Variants in CCSER1 observed in about 807,000 individuals in gnomAD.
CCSER1 encodes the protein coiled-coil serine rich protein 1.
A neutral mutation model predicts 82.0 loss-of-function variants in CCSER1; 41 were observed. The ratio of observed to expected loss-of-function variants is 0.50; its 90% CI spans 0.39 to 0.65. CCSER1 has a LOEUF of 0.65. CCSER1 is among the 30% of genes least tolerant of loss of function. The pLI is 0.00. For synonymous variants in CCSER1, 414 were observed against 383.9 expected (o/e 1.08, Z -0.92); for missense variants, 1,119 against 1,064.2 (o/e 1.05, Z -0.72).
rs73836252 is a variant in CCSER1, at chr4:91,587,003, A to C, written c.2218-11569A>C. ...AAGAAAGAACCACAGAGAATGAAAA[A>C]TATTAATAAACTTAGCATGGGAGAT... On this transcript the variant is annotated intron_variant, in intron 10 of 10. Coordinates refer to ENST00000509176, the MANE Select transcript of CCSER1 (RefSeq NM_001145065.2). Among the ~76,000 whole-genome samples, 261 of 151,748 alleles carry C rather than the reference A, an allele frequency of 1.7e-3. 2 individuals are homozygous for C. The highest frequency in any genetic ancestry group is 6.0e-3 in the African/African-American group (250 of 41,484).
chr4:91,403,532 T>C (rs2149362405), intron 10 of CCSER1, among the ~76,000 whole-genome samples: 1 of 152,312 alleles, frequency 6.6e-6, no homozygotes, highest in Admixed American at 6.5e-5. Context: ...GCTGTGGGTT[T>C]GTCATAAATA....
At chr4:90,845,453 T>A (rs182326709) in intron 8 of CCSER1, among the ~76,000 whole-genome samples, 1 of 151,592 alleles carries the variant, frequency 6.6e-6, no homozygotes, top group African/African-American at 2.4e-5. Context: ...AAATTACTAA[T>A]AAATTTGCCC....
At chr4:91,131,057 T>A (rs1581612390) in intron 10 of CCSER1, among the ~76,000 whole-genome samples, 2 of 151,956 alleles carry the variant, frequency 1.3e-5, no homozygotes, top group East Asian at 3.9e-4. Flanking sequence ...AAAAATATAA[T>A]TCTGTGGATC....
At chr4:90,283,046 C>G (rs1729156998) in intron 1 of CCSER1, among the ~76,000 whole-genome samples, 1 of 151,926 alleles carries the variant, frequency 6.6e-6, no homozygotes, top group African/African-American at 2.4e-5. Flanking sequence ...TTTGCTTTAC[C>G]TGAATATTTA....
At chr4:91,529,445 A>G (rs1162242246) in intron 10 of CCSER1, among the ~76,000 whole-genome samples, 1 of 152,056 alleles carries the variant, frequency 6.6e-6, no homozygotes, top group Non-Finnish European at 1.5e-5. Flanking sequence ...TTAAATGGAA[A>G]TTAATTTAAT....
At chr4:90,430,410 A>G (rs553337489) in intron 4 of CCSER1, among the ~76,000 whole-genome samples, 2 of 152,054 alleles carry the variant, frequency 1.3e-5, no homozygotes, top group African/African-American at 4.8e-5. Context: ...GTCAGTATGC[A>G]TTGAAATTTC....
chr4:90,782,932 G>A (rs766193658), intron 7 of CCSER1, among the ~76,000 whole-genome samples: 4 of 148,846 alleles, frequency 2.7e-5, no homozygotes, highest in Non-Finnish European at 4.4e-5. Flanking sequence ...CCCCCTCCTC[G>A]GCCTCCCGAA....
chr4:91,577,488 A>G (rs887120745), intron 10 of CCSER1, among the ~76,000 whole-genome samples: 22 of 152,064 alleles, frequency 1.4e-4, no homozygotes, highest in African/African-American at 5.1e-4. Flanking sequence ...GCAATTCACA[A>G]TTCTTTCTAG....
intron 6 of CCSER1, among the ~76,000 whole-genome samples, chr4:90,641,578 A>G (rs894954357): frequency 5.3e-5 from 8 of 152,170 alleles, no homozygotes; most frequent in African/African-American, 1.4e-4. Context: ...ACTCCCCACA[A>G]CCCTTTTTCT....
chr4:90,627,142 C>G (rs984721127), intron 5 of CCSER1, among the ~76,000 whole-genome samples: 1 of 152,012 alleles, frequency 6.6e-6, no homozygotes, highest in South Asian at 2.1e-4. Flanking sequence ...TTATCTTATC[C>G]CTTCACAGGA....
Position 90,756,820 on chromosome 4 carries a change from CT to C in CCSER1, c.2010+32831del, listed in dbSNP as rs765575369. On this transcript the variant is annotated intron_variant, in intron 7 of 10. Transcript: ENST00000509176. ...GCATATTTTAGATTTTTATTAAGTACTTATTGAACAAAGTATTTCTTAAGTT... is the reference window on the plus strand; with the variant it reads ...GCATATTTTAGATTTTTATTAAGTACTATTGAACAAAGTATTTCTTAAGTT... 4.6e-5 allele frequency among the ~76,000 whole-genome samples: 7 copies of C among 152,022 alleles called. No individual in the cohort carries two copies. The East Asian group carries it at 5.8e-4, about 13-fold the overall frequency.
chr4:90,899,748 G>A (rs1243736632), intron 8 of CCSER1, among the ~76,000 whole-genome samples: 11 of 151,952 alleles, frequency 7.2e-5, no homozygotes, highest in Admixed American at 5.3e-4. Flanking sequence ...GATAAATCAC[G>A]ATGATTGATT....
chr4:91,544,350 G>T (rs1761771348), intron 10 of CCSER1, among the ~76,000 whole-genome samples: 1 of 152,156 alleles, frequency 6.6e-6, no homozygotes, highest in Non-Finnish European at 1.5e-5. Flanking sequence ...TCTGTTGCTG[G>T]CAAGGAACTG....
chr4:90,717,785 G>GTATA (rs142381987), intron 6 of CCSER1, among the ~76,000 whole-genome samples: 6 of 146,660 alleles, frequency 4.1e-5, no homozygotes, highest in South Asian at 4.3e-4. Flanking sequence ...ATATATGTGT[G>GTATA]TATATATATA....
intron 1 of CCSER1, among the ~76,000 whole-genome samples, chr4:90,271,844 ATATATATATATATATATATTTTTTTT>A (rs1351748102): frequency 2.2e-4 from 5 of 22,418 alleles, no homozygotes; most frequent in African/African-American, 1.3e-3. Flanking sequence ...ATATATATAT[ATATATATATATATATATATTTTTTTT>A]TTTTTTTTTT....
chr4:91,173,517 C>G lies in CCSER1; in HGVS notation c.2217+87523C>G, dbSNP rs532175335. On this transcript the variant is annotated intron_variant, in intron 10 of 10. Coordinates refer to ENST00000509176, the MANE Select transcript of CCSER1 (RefSeq NM_001145065.2). ...GCTGAGGCAGGAGAATTGCTTGAAC[C>G]CGGGAGGTGGAGGTTGAAGTGATCC... 4.0e-4 allele frequency among the ~76,000 whole-genome samples: 60 copies of G among 151,046 alleles called. 2 individuals are homozygous for G. In the South Asian group the frequency reaches 0.012, roughly 31 times the overall value.
intron 10 of CCSER1, among the ~76,000 whole-genome samples, chr4:91,377,282 G>A (rs1348407743): frequency 6.6e-6 from 1 of 152,240 alleles, no homozygotes; most frequent in East Asian, 1.9e-4. Context: ...AGACAGCTGG[G>A]TCAAATGGTA....
chr4:90,366,536 A>G (rs1207402650), intron 3 of CCSER1, among the ~76,000 whole-genome samples: 1 of 151,800 alleles, frequency 6.6e-6, no homozygotes, highest in Non-Finnish European at 1.5e-5. Flanking sequence ...TGAAATGTGC[A>G]TACTCTATTA....
intron 10 of CCSER1, among the ~76,000 whole-genome samples, chr4:91,366,534 G>A (rs956212589): frequency 1.3e-5 from 2 of 152,144 alleles, no homozygotes; most frequent in Admixed American, 6.5e-5. Flanking sequence ...TTAAGAGTAA[G>A]TTTGACTCAG....
Sources: allele counts gnomAD v4.1 joint callset (sites outside exome capture counted in the v4.1 genomes callset), GRCh38; gene constraint gnomAD v4.1.1; transcripts MANE v1.5; gene names NCBI Gene and HGNC (gene_info 2026-07-23, HGNC 2026-07-21).